The following CCSER1 variants were observed in gnomAD, a reference collection of about 807,000 sequenced individuals.
CCSER1 encodes the protein serine-rich coiled-coil domain-containing protein 1.
CCSER1 carries 41 observed loss-of-function variants against 82.0 expected under a neutral mutation model. That is an observed-to-expected ratio of 0.50 (90% CI 0.39 to 0.65). The LOEUF (loss-of-function observed/expected upper bound fraction) is 0.65. Ranked by LOEUF, CCSER1 falls within the 30% of genes least tolerant of loss-of-function variation. The pLI, the probability that CCSER1 is intolerant of heterozygous loss-of-function variation, is 0.00. For missense variants in CCSER1, 1,119 were observed against 1,064.2 expected (o/e 1.05, Z -0.72); for synonymous variants, 414 against 383.9 (o/e 1.08, Z -0.92).
At chr4:90,472,407 A>G (rs1764521015) in intron 5 of CCSER1, among the ~76,000 whole-genome samples, 2 of 152,102 alleles carry the variant, frequency 1.3e-5, no homozygotes, top group Non-Finnish European at 2.9e-5. Context: ...ATTCTCATGT[A>G]TTTATTAGTT....
At chr4:91,460,527 CAGCTAGAGTCT>C (rs1197574640) in intron 10 of CCSER1, among the ~76,000 whole-genome samples, 2 of 152,068 alleles carry the variant, frequency 1.3e-5, no homozygotes, top group African/African-American at 2.4e-5. Context: ...GTGTATCTAC[CAGCTAGAGTCT>C]AGCTAGTCTG....
chr4:90,649,782 A>C (rs527812374), intron 6 of CCSER1, among the ~76,000 whole-genome samples: 1 of 152,312 alleles, frequency 6.6e-6, no homozygotes, highest in African/African-American at 2.4e-5. Context: ...ACTATAATAC[A>C]TTTCCAAAGA....
Position 90,599,133 on chromosome 4 carries a change from G to T in CCSER1, c.1725-28892G>T, listed in dbSNP as rs2148738284. Among the ~76,000 whole-genome samples, 2 of 152,196 alleles carry T rather than the reference G, an allele frequency of 1.3e-5. 1 individual carries two copies. Among genetic ancestry groups the T allele is most frequent in the South Asian group, 4.1e-4 (2 of 4,828 alleles). Reference sequence around the variant, plus strand: ...TGCTCAGGAACTGTAAAGACTGCAGGATCCTCCAGTAGCAAAAATTGCAGG... The same window carrying T: ...TGCTCAGGAACTGTAAAGACTGCAGTATCCTCCAGTAGCAAAAATTGCAGG... On this transcript the variant is annotated intron_variant, in intron 5 of 10. Coordinates refer to ENST00000509176, the MANE Select transcript of CCSER1 (RefSeq NM_001145065.2).
intron 10 of CCSER1, among the ~76,000 whole-genome samples, chr4:91,461,434 C>A (rs538971270): frequency 6.6e-6 from 1 of 152,190 alleles, no homozygotes; most frequent in Admixed American, 6.5e-5. Context: ...GGAATTTGCA[C>A]ACATGTAGTT....
chr4:91,092,822 C>T (rs1221894072), intron 10 of CCSER1, among the ~76,000 whole-genome samples: 1 of 152,034 alleles, frequency 6.6e-6, no homozygotes, highest in Non-Finnish European at 1.5e-5. Context: ...TGACTGATGC[C>T]CGGTAAGGAG....
chr4:90,834,036 A>G (rs1195347468), intron 8 of CCSER1, among the ~76,000 whole-genome samples: 2 of 152,220 alleles, frequency 1.3e-5, no homozygotes, highest in Admixed American at 6.5e-5. Context: ...CGTGAGCTAC[A>G]TAAACTTCCT....
At chr4:90,612,414 A>G (rs1035406530) in intron 5 of CCSER1, among the ~76,000 whole-genome samples, 4 of 152,200 alleles carry the variant, frequency 2.6e-5, no homozygotes, top group Admixed American at 6.5e-5. Context: ...AGCCTTTCTC[A>G]TGAACAAAGA....
chr4:90,209,778 T>G (rs1739601815), intron 1 of CCSER1, among the ~76,000 whole-genome samples: 1 of 152,022 alleles, frequency 6.6e-6, no homozygotes, highest in Non-Finnish European at 1.5e-5. Context: ...TGTTTTTTTT[T>G]TTTTTTAATT....
At chr4:91,197,336 G>A (rs1244997346) in intron 10 of CCSER1, among the ~76,000 whole-genome samples, 1 of 152,130 alleles carries the variant, frequency 6.6e-6, no homozygotes, top group African/African-American at 2.4e-5. Context: ...CATGGAAATA[G>A]AATTTTAAGC....
chr4:90,442,297 G>A (rs760492810), intron 4 of CCSER1, among the ~76,000 whole-genome samples: 6 of 152,142 alleles, frequency 3.9e-5, no homozygotes, highest in Non-Finnish European at 5.9e-5. Flanking sequence ...GTGGCCTCAG[G>A]AGAACTCCCT....
chr4:90,934,949 CACAG>C (rs1360210213), intron 9 of CCSER1, among the ~76,000 whole-genome samples: 2 of 151,948 alleles, frequency 1.3e-5, no homozygotes, highest in African/African-American at 4.8e-5. Flanking sequence ...CACGCACACA[CACAG>C]ACACACACAA....
chr4:90,209,213 G>T (rs1055418501), intron 1 of CCSER1, among the ~76,000 whole-genome samples: 4 of 152,116 alleles, frequency 2.6e-5, no homozygotes, highest in South Asian at 4.1e-4. Flanking sequence ...AATAGATGGC[G>T]GTATGGGTGT....
At chr4:91,171,600 C>T (rs1042985713) in intron 10 of CCSER1, among the ~76,000 whole-genome samples, 3 of 152,086 alleles carry the variant, frequency 2.0e-5, no homozygotes, top group African/African-American at 7.2e-5. Flanking sequence ...TTTGTCTAAA[C>T]TATTATAGTA....
At chr4:90,992,560 G>A (rs2150450557) in intron 9 of CCSER1, among the ~76,000 whole-genome samples, 1 of 151,970 alleles carries the variant, frequency 6.6e-6, no homozygotes, top group East Asian at 1.9e-4. Context: ...CTGAGATCAA[G>A]GTAATCTTCA....
At chr4:91,008,968 C>G (rs927576438) in intron 9 of CCSER1, among the ~76,000 whole-genome samples, 1 of 152,168 alleles carries the variant, frequency 6.6e-6, no homozygotes, top group Non-Finnish European at 1.5e-5. Context: ...GTGTTCAGCT[C>G]GATTAGGACG....
intron 5 of CCSER1, among the ~76,000 whole-genome samples, chr4:90,512,374 C>A (rs1384865382): frequency 1.3e-5 from 2 of 148,632 alleles, no homozygotes; most frequent in African/African-American, 4.9e-5. Context: ...TTTATAAATT[C>A]TTTGATTTTA....
chr4:90,736,667 C>CT (rs1233790246), intron 7 of CCSER1, among the ~76,000 whole-genome samples: 2 of 151,854 alleles, frequency 1.3e-5, no homozygotes, highest in Non-Finnish European at 2.9e-5. Flanking sequence ...CACTCTATGA[C>CT]TTTCAATTGG....
chr4:90,147,003 A>G (rs1321321730), intron 1 of CCSER1, among the ~76,000 whole-genome samples: 1 of 152,116 alleles, frequency 6.6e-6, no homozygotes, highest in Non-Finnish European at 1.5e-5. Flanking sequence ...TCTTCAGGCT[A>G]CGACTTGTAT....
At chr4:90,183,629 G>A (rs757674524) in intron 1 of CCSER1, among the ~76,000 whole-genome samples, 16 of 152,110 alleles carry the variant, frequency 1.1e-4, no homozygotes, top group Non-Finnish European at 2.2e-4. Context: ...TAATAACTCT[G>A]AAAAGGTACT....
Sources: gnomAD v4.1 joint callset for allele counts (sites outside exome capture counted in the v4.1 genomes callset) on GRCh38, gnomAD v4.1.1 for gene constraint, MANE v1.5 for transcripts, NCBI Gene and HGNC (gene_info 2026-07-23, HGNC 2026-07-21) for gene names.